Variants in EFHB observed in about 807,000 individuals in gnomAD.
EFHB encodes the protein EF-hand domain-containing family member B.
EFHB carries 91 observed loss-of-function variants against 87.2 expected under a neutral mutation model. That is an observed-to-expected ratio of 1.04 (90% CI 0.88 to 1.24). The LOEUF (loss-of-function observed/expected upper bound fraction) is 1.24, where lower values mean the gene tolerates loss of function less well. Among genes scored for constraint, EFHB ranks in the 50% most tolerant of loss-of-function variants. The pLI is 0.00. For missense variants in EFHB, 1,084 were observed against 998.8 expected (o/e 1.09, Z -1.15); for synonymous variants, 325 against 333.6 (o/e 0.97, Z 0.28).
At chr3:19,895,007 T>TATATATATATATATAA (rs1453175560) in intron 9 of EFHB, 1 of 147,108 alleles carries the variant, frequency 6.8e-6, no homozygotes, top group African/African-American at 2.5e-5. Flanking sequence ...TATGTATATA[T>TATATATATATATATAA]AAAAATATAT....
Position 19,897,600 on chromosome 3 carries a change from G to T in EFHB, c.1571-759C>A, listed in dbSNP as rs143021469. On this transcript the variant is annotated intron_variant, in intron 8 of 12. Coordinates refer to ENST00000295824, the MANE Select transcript of EFHB (RefSeq NM_144715.4). ...ATTCATGCTATAAATATTGATGAAAGATGTCCTATGTGCTGGACCCTGAGG... is the reference window on the plus strand; with the variant it reads ...ATTCATGCTATAAATATTGATGAAATATGTCCTATGTGCTGGACCCTGAGG... Among the ~76,000 whole-genome samples, 20 of 152,218 alleles carry T rather than the reference G, an allele frequency of 1.3e-4. 1 individual carries two copies. The highest frequency in any genetic ancestry group is 1.3e-3 in the Admixed American group (20 of 15,294).
chr3:19,880,397 G>A (rs1559440313), intron 12 of EFHB, among the ~76,000 whole-genome samples: 1 of 151,942 alleles, frequency 6.6e-6, no homozygotes, highest in African/African-American at 2.4e-5. Flanking sequence ...TTACAGGTGT[G>A]TGCCACCACA....
At chr3:19,938,821 T>C (rs1337019020), upstream of EFHB, among the ~76,000 whole-genome samples, 1 of 152,180 alleles carries the variant, frequency 6.6e-6, no homozygotes, top group Non-Finnish European at 1.5e-5. Context: ...CCCTGACGCT[T>C]GCCACCTTAC....
At chr3:19,898,322 T>C (rs781700499) in intron 8 of EFHB, among the ~76,000 whole-genome samples, 7 of 152,174 alleles carry the variant, frequency 4.6e-5, no homozygotes, top group Non-Finnish European at 1.0e-4. Flanking sequence ...CCTGGAAATA[T>C]AGTTAAAATG....
At chr3:19,908,623 A>AGAAAGAAG (rs1694945802) in intron 5 of EFHB, among the ~76,000 whole-genome samples, 1 of 151,010 alleles carries the variant, frequency 6.6e-6, no homozygotes, top group Non-Finnish European at 1.5e-5. Flanking sequence ...AAAGAAAGAA[A>AGAAAGAAG]GAAAGAAAGA....
Position 19,896,831 on chromosome 3 carries a change from A to G in EFHB, c.1581T>C (p.Asp527=), listed in dbSNP as rs975659811. 5 of 1,612,740 alleles carry G rather than the reference A, an allele frequency of 3.1e-6. No homozygotes were observed. The highest frequency in any genetic ancestry group is 2.5e-6 in the Non-Finnish European group (3 of 1,178,950). The change falls in exon 9 of 13, where the codon GAT becomes GAC. Residue 527 remains aspartate, a synonymous_variant. Coordinates refer to ENST00000295824, the MANE Select transcript of EFHB (RefSeq NM_144715.4). ...CLRPEEYGVG[D]LIHNRLPDEY... ...CATCCGGAAGTCTATTATGGATGAG[A>G]TCACCAACTCCTATTGAAGAGAGAA... is the stretch of plus-strand genomic sequence containing the variant.
At chr3:19,934,319 C>A, upstream of EFHB, 1 of 1,031,892 alleles carries the variant, frequency 9.7e-7, no homozygotes, top group Non-Finnish European at 1.2e-6. Context: ...CTCTCTCAAT[C>A]TCTCTCTCTC....
chr3:19,906,593 T>C (rs1380344876), intron 5 of EFHB, among the ~76,000 whole-genome samples: 1 of 152,100 alleles, frequency 6.6e-6, no homozygotes, highest in African/African-American at 2.4e-5. Context: ...TCCATGCTCA[T>C]TGATCAGAAT....
Position 19,888,565 on chromosome 3 carries a change from C to G in EFHB, c.1812G>C (p.Gln604His). The G allele has an allele frequency of 6.2e-7, 1 of 1,600,360 alleles. No homozygotes were observed. The stretch of plus-strand genomic sequence containing the variant: ...TATCCACATCACAGTAGTCAAATAG[C>G]TGGTCCAGGAGCTTGTCATCTAAAC... ...NLSLDDKLLD[Q>H]LFDYCDVDND... Residue 604 changes from glutamine (Q) to histidine (H), a missense_variant, in exon 10 of 13, where the codon CAG becomes CAC. Transcript: ENST00000295824.
chr3:19,885,623 G>C (rs116710331), intron 10 of EFHB, among the ~76,000 whole-genome samples: 4 of 152,082 alleles, frequency 2.6e-5, no homozygotes, highest in South Asian at 2.1e-4. Context: ...TAAAGGTTCT[G>C]GGGGAGCCCA....
At chr3:19,939,291 G>T (rs1325983266) in intron 1 of EFHB, among the ~76,000 whole-genome samples, 1 of 148,644 alleles carries the variant, frequency 6.7e-6, no homozygotes, top group Non-Finnish European at 1.5e-5. Flanking sequence ...TCCTTGCCTG[G>T]TAAATGCTCT....
At chr3:19,921,308 A>G (rs778036576) in intron 1 of EFHB, among the ~76,000 whole-genome samples, 1 of 152,070 alleles carries the variant, frequency 6.6e-6, no homozygotes, top group Admixed American at 6.6e-5. Context: ...GAGAGTCTTT[A>G]GGGTTTAAGA....
chr3:19,908,650 A>AAG (rs1445604787), intron 5 of EFHB, among the ~76,000 whole-genome samples: 1 of 149,866 alleles, frequency 6.7e-6, no homozygotes, highest in South Asian at 2.1e-4. Flanking sequence ...GAAAGAAAGA[A>AAG]AGAAAAAGAA....
chr3:19,926,883 C>T (rs6770576), intron 1 of EFHB, among the ~76,000 whole-genome samples: 22,950 of 149,920 alleles, frequency 0.15, 1,893 homozygotes, highest in South Asian at 0.24. Flanking sequence ...TGGTCTCGAA[C>T]TCCCAACCTC....
intron 3 of EFHB, among the ~76,000 whole-genome samples, chr3:19,919,178 A>G (rs1258435978): frequency 1.3e-5 from 2 of 151,698 alleles, no homozygotes; most frequent in African/African-American, 4.8e-5. Flanking sequence ...TAGGCAAGTC[A>G]CCAAGACAGT....
chr3:19,884,598 C>T lies in EFHB; in HGVS notation c.1951G>A (p.Val651Ile). ...VIIKGRKPDC[V>I]NPTEANVEEP... ...TCAACATTAGCCTCAGTAGGGTTTA[C>T]ACAATCTGGTTTTCTACCTTTAAGG... The change falls in exon 11 of 13, where the codon GTA (valine) becomes ATA (isoleucine). Residue 651 changes from valine (V) to isoleucine (I), a missense_variant. Val to Ile is a conservative substitution (Grantham distance 29). Transcript: ENST00000295824. The T allele has an allele frequency of 6.2e-7, 1 of 1,613,042 alleles. No homozygotes were observed. The highest frequency in any genetic ancestry group is 8.5e-7 in the Non-Finnish European group (1 of 1,179,676).
At chr3:19,897,802 T>C (rs941182536) in intron 8 of EFHB, among the ~76,000 whole-genome samples, 1 of 152,204 alleles carries the variant, frequency 6.6e-6, no homozygotes, top group African/African-American at 2.4e-5. Flanking sequence ...CAAACATTAG[T>C]AGTTTGTGTA....
In EFHB at chr3:19,933,381, C is replaced by A. The variant is rs759424736; in HGVS notation, c.638G>T (p.Gly213Val). Residue 213 changes from glycine to valine, a missense_variant, in exon 1 of 13, where the codon GGC becomes GTC. Coordinates refer to ENST00000295824, the MANE Select transcript of EFHB (RefSeq NM_144715.4). The part of the protein sequence containing the change: ...DETKNTEPQM[G>V]LVIEPPQCQF... ...GCATTGGGGAGGTTCTATCACCAAG[C>A]CCATTTGGGGCTCTGTATTCTTAGT... 4 of 1,614,000 alleles carry A rather than the reference C, an allele frequency of 2.5e-6. No homozygotes were observed. The East Asian group carries it at 6.7e-5, about 27-fold the overall frequency.
chr3:19,933,688 A>G lies in EFHB; in HGVS notation c.331T>C (p.Leu111=), dbSNP rs760007621. The G allele has an allele frequency of 6.2e-7, 1 of 1,613,864 alleles. No homozygotes were observed. The highest frequency in any genetic ancestry group is 8.5e-7 in the Non-Finnish European group (1 of 1,179,882). Residue 111 remains leucine (L), a synonymous_variant, in exon 1 of 13, where the codon TTA becomes CTA. Coordinates refer to ENST00000295824, the MANE Select transcript of EFHB (RefSeq NM_144715.4). ...CCTGCAAGAAGACTCTCATTTTCTA[A>G]CCCCATTCTTCCTGGCAACAGAGAA... is the stretch of plus-strand genomic sequence containing the variant. The part of the protein sequence containing the change: ...KPSLLPGRMG[L]ENESLLAGYT...
Sources: allele counts gnomAD v4.1 joint callset (sites outside exome capture counted in the v4.1 genomes callset), GRCh38; gene constraint gnomAD v4.1.1; transcripts MANE v1.5; gene names NCBI Gene and HGNC (gene_info 2026-07-23, HGNC 2026-07-21).